ASCC3: variants seen among roughly 807,000 people sequenced by gnomAD.
ASCC3 encodes ASC-1 complex subunit P200.
ASCC3 carries 158 observed loss-of-function variants against 256.3 expected under a neutral mutation model. The observed-to-expected ratio is 0.62, with a 90% CI of 0.54 to 0.70. The LOEUF is 0.70. Among genes scored for constraint, ASCC3 ranks in the 30% least tolerant of loss-of-function variants. ASCC3 has a pLI of 0.00. For synonymous variants in ASCC3, 948 were observed against 883.4 expected, an observed-to-expected ratio of 1.07 and a Z score of -1.30; for missense variants, 2,259 against 2,626.0, an observed-to-expected ratio of 0.86 and a Z score of 3.05.
chr6:100,753,849 T>C (rs776380149), intron 10 of ASCC3, among the ~76,000 whole-genome samples: 4 of 152,148 alleles, frequency 2.6e-5, no homozygotes, highest in Non-Finnish European at 4.4e-5. Flanking sequence ...AGAACCATAA[T>C]CATTAGGCCT....
rs989860725 is a variant in ASCC3 at position 100,847,957 on chromosome 6, A to G, written c.801+191T>C. On this transcript the variant is annotated intron_variant, in intron 4 of 41. Transcript: ENST00000369162. ...CTTACTCCTCTGCTACACTCATTAC[A>G]CTTTCAGACCTCCTGTAACTATCCA... 9.0e-5 allele frequency: 47 copies of G among 519,430 alleles called. No homozygotes were observed. In the Middle Eastern group the frequency reaches 3.0e-3, roughly 33 times the overall value. 32.2% of individuals were successfully genotyped at this position (519,430 alleles called of 1,614,324 possible). A position where few individuals can be genotyped will look rare whatever the true frequency, so the allele number is the denominator to read the frequency against.
intron 1 of ASCC3, among the ~76,000 whole-genome samples, chr6:100,870,209 A>T (rs544490311): frequency 2.6e-5 from 2 of 76,254 alleles, no homozygotes; most frequent in African/African-American, 9.5e-5. Flanking sequence ...GCATATTTTT[A>T]AAAATGCATT....
chr6:100,728,201 A>G (rs1447363828), intron 10 of ASCC3, among the ~76,000 whole-genome samples: 1 of 152,008 alleles, frequency 6.6e-6, no homozygotes, highest in Non-Finnish European at 1.5e-5. Context: ...TAATGAATAT[A>G]TATTTTTTCA....
In ASCC3 at chr6:100,798,818, G is replaced by T. The variant is rs1185853587; in HGVS notation, c.1290C>A (p.Ile430=). ...AGAKMILPEG[I]QRENNKLYEE... is the part of the protein sequence containing the mutation. Reference sequence around the variant, plus strand: ...CATAAAGCTTGTTATTCTCTCTTTGGATTCCTTCTGGCAAAATCATCTATA... The same window carrying T: ...CATAAAGCTTGTTATTCTCTCTTTGTATTCCTTCTGGCAAAATCATCTATA... The change falls in exon 8 of 42, where the codon ATC becomes ATA. Residue 430 remains isoleucine (I), a synonymous_variant. Transcript: ENST00000369162. 6.2e-7 allele frequency: 1 copy of T among 1,612,344 alleles called. No individual in the cohort carries two copies. Among genetic ancestry groups the T allele is most frequent in the Admixed American group, 1.7e-5 (1 of 59,914 alleles).
intron 8 of ASCC3, among the ~76,000 whole-genome samples, chr6:100,790,380 A>G (rs1457553133): frequency 6.6e-6 from 1 of 151,980 alleles, no homozygotes; most frequent in Non-Finnish European, 1.5e-5. Flanking sequence ...ACCTCTGTGT[A>G]TCCACCATAA....
At chr6:100,762,688 A>G (rs889619585) in intron 10 of ASCC3, among the ~76,000 whole-genome samples, 13 of 152,190 alleles carry the variant, frequency 8.5e-5, no homozygotes, top group African/African-American at 3.1e-4. Context: ...CAATAAAATC[A>G]TAACTGCTGC....
At position 100,603,603 on chromosome 6, in the gene ASCC3, T is replaced by A. The variant is rs144152292; in HGVS notation, c.5178-1668A>T. Among the ~76,000 whole-genome samples the A allele has an allele frequency of 5.6e-4, 85 of 152,220 alleles. 1 individual carries two copies. The highest frequency in any genetic ancestry group is 1.9e-3 in the African/African-American group (81 of 41,548). On this transcript the variant is annotated intron_variant, in intron 33 of 41. Coordinates refer to ENST00000369162, the MANE Select transcript of ASCC3 (RefSeq NM_006828.4). ...ATAGATTTTTTGTAGATATTCTTTA[T>A]CAGATTAAGAACATTCCCTCATACT...
intron 4 of ASCC3, among the ~76,000 whole-genome samples, chr6:100,814,868 A>C (rs1293523750): frequency 1.3e-5 from 2 of 150,526 alleles, no homozygotes; most frequent in African/African-American, 4.9e-5. Context: ...TATTTTATTA[A>C]TTTTTTTTCA....
At chr6:100,572,542 C>T (rs1252260440) in intron 36 of ASCC3, among the ~76,000 whole-genome samples, 3 of 152,038 alleles carry the variant, frequency 2.0e-5, no homozygotes, top group Non-Finnish European at 4.4e-5. Flanking sequence ...GAAATACTGC[C>T]AGAAATAACA....
At chr6:100,619,868 G>A (rs1773858068) in intron 30 of ASCC3, among the ~76,000 whole-genome samples, 1 of 152,140 alleles carries the variant, frequency 6.6e-6, no homozygotes, top group Admixed American at 6.6e-5. Flanking sequence ...GAACTAGAGG[G>A]TGACTAGATA....
chr6:100,661,950 A>C lies in ASCC3; in HGVS notation c.2559T>G (p.Ala853=). 6.2e-7 allele frequency: 1 copy of C among 1,613,446 alleles called. No homozygotes were observed. Among genetic ancestry groups the C allele is most frequent in the African/African-American group, 1.3e-5 (1 of 74,998 alleles). Residue 853 remains alanine (A), a synonymous_variant, in exon 16 of 42, where the codon GCT becomes GCG. Coordinates refer to ENST00000369162, the MANE Select transcript of ASCC3 (RefSeq NM_006828.4). ...ILDVMQIFGR[A]GRPQFDKFGE... ...CAAATTTGTCAAATTGTGGTCGTCC[A>C]GCTCGACCAAATATCTGCATGACAT...
intron 36 of ASCC3, among the ~76,000 whole-genome samples, chr6:100,551,201 A>AT (rs1183881610): frequency 6.6e-6 from 1 of 151,974 alleles, no homozygotes; most frequent in African/African-American, 2.4e-5. Context: ...CCACATATTT[A>AT]TTCAGCATAT....
chr6:100,630,640 C>T (rs974451853), intron 26 of ASCC3, among the ~76,000 whole-genome samples: 1 of 151,536 alleles, frequency 6.6e-6, no homozygotes, highest in African/African-American at 2.4e-5. Flanking sequence ...TAATCTTTTG[C>T]TATTTAAAAT....
chr6:100,669,977 ATAAATAAATT>A (rs1776659746), intron 14 of ASCC3, among the ~76,000 whole-genome samples: 1 of 151,966 alleles, frequency 6.6e-6, no homozygotes, highest in Non-Finnish European at 1.5e-5. Flanking sequence ...CCCAGAAACC[ATAAATAAATT>A]TACGGAATTT....
intron 8 of ASCC3, among the ~76,000 whole-genome samples, chr6:100,774,225 A>G (rs762724938): frequency 1.3e-5 from 2 of 152,132 alleles, no homozygotes; most frequent in Non-Finnish European, 2.9e-5. Flanking sequence ...TGGAGCAATC[A>G]TAGCTCACTG....
At chr6:100,681,741 A>G (rs902946534) in intron 13 of ASCC3, among the ~76,000 whole-genome samples, 1 of 151,108 alleles carries the variant, frequency 6.6e-6, no homozygotes, top group African/African-American at 2.4e-5. Flanking sequence ...AAAAAAAAAA[A>G]AAAAAAGAAA....
At chr6:100,844,471 T>G (rs2114494366) in intron 4 of ASCC3, among the ~76,000 whole-genome samples, 1 of 152,140 alleles carries the variant, frequency 6.6e-6, no homozygotes, top group East Asian at 1.9e-4. Context: ...GAACGAACCC[T>G]ACTGCTACAA....
At chr6:100,542,523 A>T (rs1775511429) in intron 36 of ASCC3, among the ~76,000 whole-genome samples, 1 of 152,112 alleles carries the variant, frequency 6.6e-6, no homozygotes, top group African/African-American at 2.4e-5. Flanking sequence ...TCTACTAAAA[A>T]TACAATGAAT....
chr6:100,693,187 T>C (rs904242776), intron 13 of ASCC3, among the ~76,000 whole-genome samples: 2 of 152,124 alleles, frequency 1.3e-5, no homozygotes, highest in Non-Finnish European at 2.9e-5. Flanking sequence ...GTTATTTATG[T>C]TGAAAGCATT....
Sources: gnomAD v4.1 joint callset for allele counts (sites outside exome capture counted in the v4.1 genomes callset) on GRCh38, gnomAD v4.1.1 for gene constraint, MANE v1.5 for transcripts, NCBI Gene and HGNC (gene_info 2026-07-23, HGNC 2026-07-21) for gene names.